The following CEP76 variants were observed in gnomAD, a reference collection of about 807,000 sequenced individuals.
The protein encoded by CEP76 is centrosomal protein 76.
In CEP76, 55 loss-of-function variants were observed where a neutral mutation model predicts 83.3. The observed-to-expected ratio is 0.66, with a 90% CI of 0.53 to 0.83. The LOEUF is 0.83. Ranked by LOEUF, CEP76 falls within the 40% of genes least tolerant of loss-of-function variation. The pLI is 0.00. For missense variants in CEP76, 694 were observed against 799.5 expected (o/e 0.87, Z 1.59); for synonymous variants, 270 against 274.5 (o/e 0.98, Z 0.16).
Position 12,673,205 on chromosome 18 carries a change from G to A in CEP76, c.*160C>T. The A allele has an allele frequency of 3.0e-6, 4 of 1,333,726 alleles. No homozygotes were observed. Among genetic ancestry groups the A allele is most frequent in the Non-Finnish European group, 2.9e-6 (3 of 1,039,706 alleles). 82.6% of individuals were successfully genotyped at this position (1,333,726 alleles called of 1,614,324 possible). On this transcript the variant is annotated 3_prime_UTR_variant, in exon 12 of 12. Coordinates refer to ENST00000262127, the MANE Select transcript of CEP76 (RefSeq NM_024899.4). ...AGCCTTAATTTTTAAAGGAATGCAT[G>A]ATTTTTTTTAAACATTACCAGTCAA...
chr18:12,667,446 G>A (rs940866020), intron 12 of CEP76, among the ~76,000 whole-genome samples: 1 of 152,074 alleles, frequency 6.6e-6, no homozygotes, highest in Non-Finnish European at 1.5e-5. Context: ...GACAGAGTGA[G>A]ACAGTCTCTT....
rs1376730782 is a variant in CEP76, at chr18:12,702,607, C to T, written c.-59G>A. 5 of 1,555,434 alleles carry T rather than the reference C, an allele frequency of 3.2e-6. No homozygotes were observed. Among genetic ancestry groups the T allele is most frequent in the Non-Finnish European group, 4.3e-6 (5 of 1,155,154 alleles). On this transcript the variant is annotated 5_prime_UTR_variant, in exon 1 of 12. Coordinates refer to ENST00000262127, the MANE Select transcript of CEP76 (RefSeq NM_024899.4). ...CGCCTCAGATGCCCTAACTGCGCGG[C>T]CCCGGCCGGGCCAGGGAGCGTTAGG...
chr18:12,702,518 G>A lies in CEP76; in HGVS notation c.31C>T (p.Leu11=), dbSNP rs1397460064. Residue 11 remains leucine (L), a synonymous_variant, in exon 1 of 12, where the codon CTG becomes TTG. Transcript: ENST00000262127. ...AGCTGCTGGTGGATGAGCTGCTTCA[G>A]CTCGGAGGCTTTCTCCGGAGGCAGC... The part of the protein sequence containing the change: MSLPPEKASE[L]KQLIHQQLSK... 1 of 1,609,422 alleles carries A rather than the reference G, an allele frequency of 6.2e-7. No homozygotes were observed. Among genetic ancestry groups the A allele is most frequent in the South Asian group, 1.1e-5 (1 of 90,334 alleles).
chr18:12,665,832 C>T (rs1441257471), intron 12 of CEP76, among the ~76,000 whole-genome samples: 2 of 152,020 alleles, frequency 1.3e-5, no homozygotes, highest in African/African-American at 4.8e-5. Context: ...CGAGTAGCTG[C>T]GATTACAGAT....
chr18:12,674,898 A>G, intron 10 of CEP76, 145 bp from the exon 11 acceptor site: 1 of 499,076 alleles, frequency 2.0e-6, no homozygotes, highest in Non-Finnish European at 3.4e-6. Context: ...AATTATAGGG[A>G]TACATAGAAA....
Position 12,699,216 on chromosome 18 carries a change from G to A in CEP76, c.296-13C>T. 1.3e-6 allele frequency: 2 copies of A among 1,549,604 alleles called. No homozygotes were observed. The highest frequency in any genetic ancestry group is 1.8e-6 in the Non-Finnish European group (2 of 1,126,206). ...GGATCAATATTAGCTGTAAAGTGTA[G>A]CAATATATATGAGGAAACTGCCAAA... On this transcript the variant is annotated splice_polypyrimidine_tract_variant and intron_variant, in intron 3 of 11. Coordinates refer to ENST00000262127, the MANE Select transcript of CEP76 (RefSeq NM_024899.4).
chr18:12,690,940 C>G, intron 7 of CEP76, among the ~76,000 whole-genome samples: 1 of 85,076 alleles, frequency 1.2e-5, no homozygotes, highest in South Asian at 3.0e-4. Flanking sequence ...ATGCCCAGAG[C>G]CCCCCCCCGT....
chr18:12,668,597 CA>C (rs752216074), downstream of CEP76, among the ~76,000 whole-genome samples: 3 of 72,830 alleles, frequency 4.1e-5, no homozygotes, highest in Admixed American at 2.3e-4. Context: ...GATTCCATCT[CA>C]AAAAAAAAAA....
chr18:12,697,933 A>C (rs2040012165), intron 4 of CEP76, among the ~76,000 whole-genome samples: 2 of 152,206 alleles, frequency 1.3e-5, no homozygotes, highest in Admixed American at 1.3e-4. Flanking sequence ...AAAATTGTGA[A>C]GACATTCTGA....
At chr18:12,674,384 G>A in intron 11 of CEP76, 152 bp downstream of exon 11, 1 of 577,502 alleles carries the variant, frequency 1.7e-6, no homozygotes, top group East Asian at 3.0e-5. Flanking sequence ...CAAGGCTACA[G>A]TGAGCCATAA....
chr18:12,666,349 T>G (rs915786038), intron 12 of CEP76, among the ~76,000 whole-genome samples: 4 of 151,856 alleles, frequency 2.6e-5, no homozygotes, highest in African/African-American at 9.7e-5. Context: ...AATTATTATC[T>G]TGCAAAGTTT....
intron 10 of CEP76, among the ~76,000 whole-genome samples, chr18:12,677,163 C>T (rs1184306177): frequency 1.3e-5 from 2 of 152,050 alleles, no homozygotes; most frequent in Non-Finnish European, 2.9e-5. Flanking sequence ...TGACAAGAGG[C>T]TTGATCTGGC....
chr18:12,672,709 T>C lies in CEP76; in HGVS notation c.*656A>G, dbSNP rs1054209027. The C allele has an allele frequency of 2.3e-5, 22 of 971,670 alleles. No individual in the cohort carries two copies. In the African/African-American group the frequency reaches 3.9e-4, roughly 17 times the overall value. 60.2% of individuals were successfully genotyped at this position (971,670 alleles called of 1,614,324 possible). On this transcript the variant is annotated 3_prime_UTR_variant, in exon 12 of 12. Transcript: ENST00000262127. ...TTTTTCTAAAATACCCAATTCATTT[T>C]TACAACAAATCACAGTGATAAATAT...
At chr18:12,662,113 G>A (rs1293021447) in exon 13 of CEP76, 1 of 442,052 alleles carries the variant, frequency 2.3e-6, no homozygotes, top group Admixed American at 2.5e-5. Context: ...CCATCACTGT[G>A]CAGCCCAAGC....
At chr18:12,670,009 AAAG>A (rs2038903013), downstream of CEP76, among the ~76,000 whole-genome samples, 1 of 151,164 alleles carries the variant, frequency 6.6e-6, no homozygotes, top group African/African-American at 2.4e-5. Context: ...AAAAAAAAGA[AAAG>A]AAAAAGAAAA....
rs1568008246 is a variant in CEP76 at position 12,673,206 on chromosome 18, AT to A, written c.*158del. On this transcript the variant is annotated 3_prime_UTR_variant, in exon 12 of 12. Coordinates refer to ENST00000262127, the MANE Select transcript of CEP76 (RefSeq NM_024899.4). The stretch of plus-strand genomic sequence containing the variant: ...GCCTTAATTTTTAAAGGAATGCATG[AT>A]TTTTTTTAAACATTACCAGTCAAGT... The A allele has an allele frequency of 1.2e-5, 16 of 1,336,300 alleles. No homozygotes were observed. Among genetic ancestry groups the A allele is most frequent in the East Asian group, 5.9e-5 (2 of 34,032 alleles). 82.8% of individuals were successfully genotyped at this position (1,336,300 alleles called of 1,614,324 possible).
intron 7 of CEP76, among the ~76,000 whole-genome samples, chr18:12,690,921 A>T (rs2039733112): frequency 6.6e-6 from 1 of 151,176 alleles, no homozygotes; most frequent in African/African-American, 2.4e-5. Flanking sequence ...CCTAACAAAA[A>T]ATATATATAT....
rs187342507 is a variant in CEP76, at chr18:12,684,114, T to C, written c.1122+2148A>G. ...ATCTCAGCTCACTGCAACCTCCACC[T>C]CATGGGTTCAAGTGATTCTCCTTTT... On this transcript the variant is annotated intron_variant, in intron 8 of 11. Transcript: ENST00000262127. Among the ~76,000 whole-genome samples the C allele has an allele frequency of 1.8e-3, 271 of 151,840 alleles. 2 individuals carry two copies. The highest frequency in any genetic ancestry group is 0.011 in the South Asian group (53 of 4,794).
Position 12,702,594 on chromosome 18 carries a change from C to A in CEP76, c.-46G>T. 1 of 1,578,440 alleles carries A rather than the reference C, an allele frequency of 6.3e-7. No homozygotes were observed. The highest frequency in any genetic ancestry group is 1.1e-5 in the South Asian group (1 of 87,544). On this transcript the variant is annotated 5_prime_UTR_variant, in exon 1 of 12. Transcript: ENST00000262127. ...CGCCGCTTCTCCCCGCCTCAGATGC[C>A]CTAACTGCGCGGCCCCGGCCGGGCC...
Sources: allele counts gnomAD v4.1 joint callset (sites outside exome capture counted in the v4.1 genomes callset), GRCh38; gene constraint gnomAD v4.1.1; transcripts MANE v1.5; gene names NCBI Gene and HGNC (gene_info 2026-07-23, HGNC 2026-07-21).